The following CSRNP3 variants were observed in gnomAD, a reference collection of about 807,000 sequenced individuals.
CSRNP3 encodes cysteine/serine-rich nuclear protein 3.
Under a neutral mutation model 48.0 loss-of-function variants are expected in CSRNP3, and 12 were observed. That is an observed-to-expected ratio of 0.25 (90% CI 0.16 to 0.41). CSRNP3 has a LOEUF of 0.41. Ranked by LOEUF, CSRNP3 falls within the 10% of genes least tolerant of loss-of-function variation. CSRNP3 has a pLI of 1.00. For synonymous variants in CSRNP3, 263 were observed against 269.7 expected (o/e 0.98, Z 0.24); for missense variants, 580 against 724.4 (o/e 0.80, Z 2.29).
chr2:165,647,596 T>C (rs1001365112), intron 4 of CSRNP3, among the ~76,000 whole-genome samples: 15 of 152,220 alleles, frequency 9.9e-5, no homozygotes, highest in Non-Finnish European at 1.2e-4. Context: ...AGGTGATAGC[T>C]GAGTACAGAT....
chr2:165,481,281 G>A (rs929755436), intron 1 of CSRNP3, among the ~76,000 whole-genome samples: 5 of 152,288 alleles, frequency 3.3e-5, no homozygotes, highest in African/African-American at 9.6e-5. Context: ...TGTAGTGTGA[G>A]GTAGACTCTT....
intron 1 of CSRNP3, among the ~76,000 whole-genome samples, chr2:165,470,231 GA>G (rs1237162182): frequency 6.6e-6 from 1 of 152,038 alleles, no homozygotes; most frequent in Admixed American, 6.6e-5. Context: ...GCAGGTTGTA[GA>G]CTCTTTTAGC....
rs979053794 is a variant in CSRNP3, at chr2:165,687,396, A to G, written c.*7643A>G. On this transcript the variant is annotated 3_prime_UTR_variant, in exon 7 of 7. Coordinates refer to ENST00000651982, the MANE Select transcript of CSRNP3 (RefSeq NM_001172173.2). Reference sequence around the variant, plus strand: ...AAAGTGACTGTTTCAGATCCCCAGTACAAACATCAGAACTAGGATCAAATG... The same window carrying G: ...AAAGTGACTGTTTCAGATCCCCAGTGCAAACATCAGAACTAGGATCAAATG... The G allele has an allele frequency of 6.6e-6, 1 of 152,118 alleles. No homozygotes were observed. Among genetic ancestry groups the G allele is most frequent in the African/African-American group, 2.4e-5 (1 of 41,448 alleles). The allele number at this position is 152,118 out of a possible 1,614,324, so 9.4% of individuals were successfully genotyped here. A position where few individuals can be genotyped will look rare whatever the true frequency, so the allele number is the denominator to read the frequency against.
intron 3 of CSRNP3, among the ~76,000 whole-genome samples, chr2:165,527,966 AAGAG>A (rs946041237): frequency 3.3e-5 from 5 of 151,540 alleles, no homozygotes; most frequent in Middle Eastern, 3.4e-3. Context: ...AAAGAGAAAA[AAGAG>A]AGAGAGAGAG....
chr2:165,579,237 G>A (rs947294497), intron 3 of CSRNP3, among the ~76,000 whole-genome samples: 1 of 152,118 alleles, frequency 6.6e-6, no homozygotes, highest in Non-Finnish European at 1.5e-5. Flanking sequence ...GTAATACTGA[G>A]CAGTTAATGG....
At position 165,595,225 on chromosome 2, in the gene CSRNP3, A is replaced by G; in HGVS notation, c.148+12A>G. The stretch of plus-strand genomic sequence containing the variant: ...TAGTCATTTTACCCGTGAGTACTGA[A>G]ATCAGAACCGAAGTCAATTGTCTGG... On this transcript the variant is annotated intron_variant, in intron 4 of 6. Transcript: ENST00000651982. 1.3e-6 allele frequency: 2 copies of G among 1,596,342 alleles called. No homozygotes were observed. Among genetic ancestry groups the G allele is most frequent in the Non-Finnish European group, 1.7e-6 (2 of 1,166,732 alleles).
intron 4 of CSRNP3, among the ~76,000 whole-genome samples, chr2:165,610,709 G>C (rs192714559): frequency 6.6e-6 from 1 of 152,296 alleles, no homozygotes. Flanking sequence ...CTTCCTTACA[G>C]GAAGTGCTTC....
chr2:165,591,497 G>A (rs1258368521), intron 3 of CSRNP3, among the ~76,000 whole-genome samples: 2 of 152,168 alleles, frequency 1.3e-5, no homozygotes, highest in African/African-American at 4.8e-5. Flanking sequence ...GGGCATGTCA[G>A]AGACCTTCAG....
intron 3 of CSRNP3, among the ~76,000 whole-genome samples, chr2:165,553,094 T>C (rs1685118679): frequency 6.6e-6 from 1 of 152,190 alleles, no homozygotes; most frequent in South Asian, 2.1e-4. Flanking sequence ...TTCATTTTTT[T>C]CCTATGTATG....
intron 3 of CSRNP3, among the ~76,000 whole-genome samples, chr2:165,528,223 T>G (rs866399615): frequency 1.3e-4 from 20 of 152,338 alleles, no homozygotes; most frequent in Middle Eastern, 6.8e-3. Context: ...GGATATTAAC[T>G]CCCTATCAGA....
intron 3 of CSRNP3, among the ~76,000 whole-genome samples, chr2:165,540,676 A>G (rs1684944911): frequency 6.6e-6 from 1 of 151,766 alleles, no homozygotes; most frequent in African/African-American, 2.4e-5. Flanking sequence ...TTTTTTCCCC[A>G]GGAATCCCTG....
chr2:165,614,343 A>G (rs952228351), intron 4 of CSRNP3, among the ~76,000 whole-genome samples: 1 of 152,106 alleles, frequency 6.6e-6, no homozygotes, highest in South Asian at 2.1e-4. Context: ...TGGACTCTTC[A>G]GGTTTTTCTA....
intron 4 of CSRNP3, among the ~76,000 whole-genome samples, chr2:165,614,058 CTCTTCAATGTCTTTCATCAGACATT>C (rs1294662894): frequency 6.6e-6 from 1 of 151,940 alleles, no homozygotes. Flanking sequence ...TTTTTGTGTC[CTCTTCAATGTCTTTCATCAGACATT>C]TCTTCAATGT....
rs1687542820 is a variant in CSRNP3, at chr2:165,681,728, T to TAC, written c.*1976_*1977insCA. On this transcript the variant is annotated 3_prime_UTR_variant, in exon 7 of 7. Coordinates refer to ENST00000651982, the MANE Select transcript of CSRNP3 (RefSeq NM_001172173.2). The stretch of plus-strand genomic sequence containing the variant: ...GATTTGTTGAAATCTCAAATATACA[T>TAC]ATATATATATATATATATATATATA... 5 of 61,126 alleles carry TAC rather than the reference T, an allele frequency of 8.2e-5. No individual in the cohort carries two copies. The highest frequency in any genetic ancestry group is 1.6e-4 in the African/African-American group (2 of 12,488). 3.8% of individuals were successfully genotyped at this position (61,126 alleles called of 1,614,324 possible).
At chr2:165,614,118 G>A (rs1426780995) in intron 4 of CSRNP3, among the ~76,000 whole-genome samples, 9 of 151,830 alleles carry the variant, frequency 5.9e-5, no homozygotes, top group East Asian at 1.9e-4. Flanking sequence ...ACTATGCCTC[G>A]CTAAGGTTTG....
At chr2:165,666,075 AG>A (rs1158314531) in intron 5 of CSRNP3, among the ~76,000 whole-genome samples, 1 of 138,158 alleles carries the variant, frequency 7.2e-6, no homozygotes, top group South Asian at 2.7e-4. Flanking sequence ...AGAAAGAGAG[AG>A]AGAGAAAGGA....
At chr2:165,659,705 G>A (rs1296108542) in intron 5 of CSRNP3, among the ~76,000 whole-genome samples, 3 of 152,122 alleles carry the variant, frequency 2.0e-5, no homozygotes, top group Non-Finnish European at 2.9e-5. Context: ...TAATGACAAC[G>A]AAAATCTTTC....
chr2:165,601,130 T>C (rs1250545709), intron 4 of CSRNP3, among the ~76,000 whole-genome samples: 2 of 152,212 alleles, frequency 1.3e-5, no homozygotes, highest in South Asian at 2.1e-4. Context: ...TCCCTTGAGA[T>C]AGAAACAGCA....
rs892277448 is a variant in CSRNP3, at chr2:165,657,723, G to T, written c.149-38G>T. On this transcript the variant is annotated intron_variant, in intron 4 of 6. Coordinates refer to ENST00000651982, the MANE Select transcript of CSRNP3 (RefSeq NM_001172173.2). The stretch of plus-strand genomic sequence containing the variant: ...TTCTTGGCCTTGTCTGAAAACTGCT[G>T]CCCCAAGTGTTCACAGGATTGTTTC... 7 of 1,602,954 alleles carry T rather than the reference G, an allele frequency of 4.4e-6. No homozygotes were observed. The South Asian group carries it at 7.7e-5, about 18-fold the overall frequency.
Sources: gnomAD v4.1 joint callset for allele counts (sites outside exome capture counted in the v4.1 genomes callset) on GRCh38, gnomAD v4.1.1 for gene constraint, MANE v1.5 for transcripts, NCBI Gene and HGNC (gene_info 2026-07-23, HGNC 2026-07-21) for gene names.